Variants in RNMT observed in about 807,000 individuals in gnomAD.
The protein encoded by RNMT is RNA guanine-7 methyltransferase.
RNMT carries 27 observed loss-of-function variants against 56.0 expected under a neutral mutation model. The ratio of observed to expected loss-of-function variants is 0.48; its 90% CI spans 0.36 to 0.67. The LOEUF (loss-of-function observed/expected upper bound fraction) is 0.67, where lower values mean the gene tolerates loss of function less well. Ranked by LOEUF, RNMT falls within the 30% of genes least tolerant of loss-of-function variation. RNMT has a pLI of 0.00. For missense variants in RNMT, 519 were observed against 552.1 expected (o/e 0.94, Z 0.60); for synonymous variants, 184 against 176.2 (o/e 1.04, Z -0.35).
In RNMT at chr18:13,730,614, C is replaced by T. The variant is rs991835437; in HGVS notation, c.-171-13C>T. 3 of 152,240 alleles carry T rather than the reference C, an allele frequency of 2.0e-5. No individual in the cohort carries two copies. Among genetic ancestry groups the T allele is most frequent in the African/African-American group, 7.2e-5 (3 of 41,470 alleles). 9.4% of individuals were successfully genotyped at this position (152,240 alleles called of 1,614,324 possible). On this transcript the variant is annotated splice_polypyrimidine_tract_variant and intron_variant, in intron 1 of 11. Coordinates refer to ENST00000383314, the MANE Select transcript of RNMT (RefSeq NM_003799.3). ...TGTTTTATTCTTGATTAATCACAAT[C>T]CCTTACTAACAGGATGTGTGAACCT...
chr18:13,735,874 A>G (rs1035487259), intron 4 of RNMT, among the ~76,000 whole-genome samples: 1 of 152,132 alleles, frequency 6.6e-6, no homozygotes, highest in Non-Finnish European at 1.5e-5. Context: ...TTAACATCCT[A>G]ATACAATCAG....
At chr18:13,737,380 A>G (rs902386504) in intron 5 of RNMT, among the ~76,000 whole-genome samples, 1 of 152,022 alleles carries the variant, frequency 6.6e-6, no homozygotes. Flanking sequence ...TGTCTCTACT[A>G]AAAATACAGA....
intron 3 of RNMT, among the ~76,000 whole-genome samples, chr18:13,734,027 G>A (rs968603570): frequency 2.0e-5 from 3 of 152,142 alleles, no homozygotes; most frequent in African/African-American, 4.8e-5. Context: ...AATCATGGGC[G>A]CAGTTCCCCA....
In RNMT at chr18:13,761,977, GGGAGCTAGTA is replaced by G; in HGVS notation, c.*2002_*2011del. The G allele has an allele frequency of 6.5e-7, 1 of 1,532,922 alleles. No individual in the cohort carries two copies. Among genetic ancestry groups the G allele is most frequent in the Non-Finnish European group, 8.7e-7 (1 of 1,145,204 alleles). The allele number at this position is 1,532,922 out of a possible 1,614,324, so 95.0% of individuals were successfully genotyped here. A position where few individuals can be genotyped will look rare whatever the true frequency, so the allele number is the denominator to read the frequency against. On this transcript the variant is annotated 3_prime_UTR_variant, in exon 12 of 12. Transcript: ENST00000383314. ...ATCCTCTCCGATCACCAAGGTGGAAGGGAGCTAGTAGGACTCTTCCTTGACACACCTTGTC... is the reference window on the plus strand; with the variant it reads ...ATCCTCTCCGATCACCAAGGTGGAAGGGACTCTTCCTTGACACACCTTGTC...
chr18:13,742,553 A>C lies in RNMT; in HGVS notation c.1040A>C (p.Lys347Thr), dbSNP rs759159864. 1.2e-6 allele frequency: 2 copies of C among 1,613,558 alleles called. No homozygotes were observed. The highest frequency in any genetic ancestry group is 3.3e-5 in the Admixed American group (2 of 59,990). ...GAAATATATACTGTGAAATTTCAGAAGAAAGGAGATTATCCTTTATTTGGC... is the reference window on the plus strand; with the variant it reads ...GAAATATATACTGTGAAATTTCAGACGAAAGGAGATTATCCTTTATTTGGC... ...GNEIYTVKFQ[K>T]KGDYPLFGCK... is the part of the protein sequence containing the mutation. Residue 347 changes from lysine to threonine, a missense_variant, in exon 8 of 12, where the codon AAG (lysine) becomes ACG (threonine). Lys to Thr is a moderately conservative substitution (Grantham distance 78). Transcript: ENST00000383314.
chr18:13,733,032 A>T (rs894379132), intron 3 of RNMT, among the ~76,000 whole-genome samples: 1 of 152,048 alleles, frequency 6.6e-6, no homozygotes, highest in African/African-American at 2.4e-5. Context: ...AAGTGCTGGG[A>T]TTACAGGCAT....
chr18:13,732,906 T>G (rs944479989), intron 3 of RNMT, among the ~76,000 whole-genome samples: 1 of 151,600 alleles, frequency 6.6e-6, no homozygotes, highest in African/African-American at 2.4e-5. Flanking sequence ...GGACTACAGG[T>G]GCCCACCACC....
chr18:13,735,527 G>T (rs1196929718), intron 4 of RNMT, among the ~76,000 whole-genome samples: 2 of 129,320 alleles, frequency 1.5e-5, no homozygotes, highest in Admixed American at 8.4e-5. Flanking sequence ...TAAGATTAAC[G>T]TAATGGCATT....
At chr18:13,759,619 A>T (rs1206366734) in intron 11 of RNMT, among the ~76,000 whole-genome samples, 1 of 151,932 alleles carries the variant, frequency 6.6e-6, no homozygotes, top group Non-Finnish European at 1.5e-5. Flanking sequence ...TTATAATTTT[A>T]ATTTGTTATA....
At chr18:13,754,235 T>C (rs1598428409) in intron 11 of RNMT, 88 bp downstream of exon 11, 1 of 844,242 alleles carries the variant, frequency 1.2e-6, no homozygotes, top group East Asian at 2.6e-5. Flanking sequence ...GGCTGGGCAC[T>C]GTGGCTCACA....
intron 3 of RNMT, among the ~76,000 whole-genome samples, chr18:13,733,211 T>C (rs930502469): frequency 5.9e-5 from 9 of 152,194 alleles, no homozygotes; most frequent in Non-Finnish European, 1.3e-4. Flanking sequence ...TTCAGCACTT[T>C]GGCTGAAAAG....
rs759970588 is a variant in RNMT at position 13,746,392 on chromosome 18, TTC to T, written c.1257+57_1257+58del. 7.8e-4 allele frequency: 781 copies of T among 1,007,040 alleles called. 1 individual carries two copies. The highest frequency in any genetic ancestry group is 7.6e-3 in the Middle Eastern group (37 of 4,886). 62.4% of individuals were successfully genotyped at this position (1,007,040 alleles called of 1,614,324 possible). A position where few individuals can be genotyped will look rare whatever the true frequency, so the allele number is the denominator to read the frequency against. ...CAGTCATGGTGAACTTGTTTGGCTG[TTC>T]TTGAGATCCTTGCAAGGCCATCTGA... is the stretch of plus-strand genomic sequence containing the variant. On this transcript the variant is annotated intron_variant, in intron 9 of 11. Transcript: ENST00000383314.
intron 5 of RNMT, among the ~76,000 whole-genome samples, chr18:13,739,785 CAAAAAAGA>C (rs1050323040): frequency 3.3e-5 from 5 of 150,882 alleles, no homozygotes; most frequent in South Asian, 2.1e-4. Context: ...GACTCTGTCT[CAAAAAAGA>C]AAAAAAGAAA....
At chr18:13,747,755 A>T (rs1034123259) in intron 9 of RNMT, among the ~76,000 whole-genome samples, 1 of 152,142 alleles carries the variant, frequency 6.6e-6, no homozygotes, top group Non-Finnish European at 1.5e-5. Context: ...CTCATTAGTT[A>T]TATTTCCTAT....
At chr18:13,751,668 G>C (rs573475847) in intron 9 of RNMT, among the ~76,000 whole-genome samples, 1 of 152,104 alleles carries the variant, frequency 6.6e-6, no homozygotes, top group East Asian at 1.9e-4. Flanking sequence ...ACATGCACAC[G>C]TATGTTTATT....
intron 9 of RNMT, 50 bp from the exon 10 acceptor site, chr18:13,752,276 G>T: frequency 8.9e-7 from 1 of 1,125,284 alleles, no homozygotes; most frequent in Non-Finnish European, 1.4e-6. Context: ...GTTTAATTCT[G>T]AATTGTAAAT....
chr18:13,740,100 T>C (rs1415300003), intron 5 of RNMT, 67 bp from the exon 6 acceptor site: 1 of 934,036 alleles, frequency 1.1e-6, no homozygotes, highest in East Asian at 2.5e-5. Flanking sequence ...AGTTTGTCAG[T>C]TGAGATCAAT....
rs956306976 is a variant in RNMT, at chr18:13,753,984, A to C, written c.1360-130A>C. On this transcript the variant is annotated intron_variant, in intron 10 of 11. Coordinates refer to ENST00000383314, the MANE Select transcript of RNMT (RefSeq NM_003799.3). ...ATATGCTCAGGTCACAATATGATTA[A>C]CAGTGAATCGAATGTGTATTTACAG... 7 of 594,538 alleles carry C rather than the reference A, an allele frequency of 1.2e-5. No individual in the cohort carries two copies. In the Admixed American group the frequency reaches 2.0e-4, roughly 17 times the overall value. 36.8% of individuals were successfully genotyped at this position (594,538 alleles called of 1,614,324 possible). A position where few individuals can be genotyped will look rare whatever the true frequency, so the allele number is the denominator to read the frequency against.
At chr18:13,728,300 CTTTTTTT>C (rs1204415985) in intron 1 of RNMT, among the ~76,000 whole-genome samples, 71 of 109,596 alleles carry the variant, frequency 6.5e-4, no homozygotes, top group African/African-American at 2.1e-3. Flanking sequence ...TCATCAGCAT[CTTTTTTT>C]TTTTTTTTTT....
Sources: gnomAD v4.1 joint callset for allele counts (sites outside exome capture counted in the v4.1 genomes callset) on GRCh38, gnomAD v4.1.1 for gene constraint, MANE v1.5 for transcripts, NCBI Gene and HGNC (gene_info 2026-07-23, HGNC 2026-07-21) for gene names.